Variants in GRIK1 observed in about 807,000 individuals in gnomAD.
The protein encoded by GRIK1 is glutamate receptor ionotropic, kainate 1.
A neutral mutation model predicts 105.7 loss-of-function variants in GRIK1; 69 were observed. That is an observed-to-expected ratio of 0.65 (90% CI 0.54 to 0.80). The LOEUF (loss-of-function observed/expected upper bound fraction) is 0.80. Among genes scored for constraint, GRIK1 ranks in the 30% least tolerant of loss-of-function variants. GRIK1 has a pLI of 0.00. For synonymous variants in GRIK1, 438 were observed against 431.3 expected, an observed-to-expected ratio of 1.02 and a Z score of -0.19; for missense variants, 1,109 against 1,167.3, an observed-to-expected ratio of 0.95 and a Z score of 0.73.
At chr21:29,584,042 A>G (rs1029782017) in intron 12 of GRIK1, among the ~76,000 whole-genome samples, 3 of 152,210 alleles carry the variant, frequency 2.0e-5, no homozygotes, top group Non-Finnish European at 4.4e-5. Flanking sequence ...AAACTTGCAT[A>G]TAGAAGAGTA....
At chr21:29,808,463 T>G (rs1198630204) in intron 1 of GRIK1, among the ~76,000 whole-genome samples, 1 of 152,176 alleles carries the variant, frequency 6.6e-6, no homozygotes, top group Non-Finnish European at 1.5e-5. Context: ...CCAGGCTTTG[T>G]GGGAGATTAT....
chr21:29,705,877 T>C (rs1013571087), intron 1 of GRIK1, among the ~76,000 whole-genome samples: 3 of 150,674 alleles, frequency 2.0e-5, no homozygotes, highest in East Asian at 1.9e-4. Context: ...TCTTTTCTTT[T>C]TTTTTTTTTT....
chr21:29,687,848 T>G (rs886137363), intron 3 of GRIK1, among the ~76,000 whole-genome samples: 5 of 152,236 alleles, frequency 3.3e-5, no homozygotes, highest in African/African-American at 1.2e-4. Context: ...TTTCTTAAAT[T>G]AAATCCACGA....
intron 1 of GRIK1, among the ~76,000 whole-genome samples, chr21:29,928,165 C>T (rs1034257074): frequency 6.6e-6 from 1 of 152,210 alleles, no homozygotes; most frequent in Non-Finnish European, 1.5e-5. Flanking sequence ...TAAGCAAAAA[C>T]ATCCTCACAT....
intron 8 of GRIK1, chr21:29,597,564 C>T (rs1438616478): frequency 2.7e-6 from 1 of 369,420 alleles, no homozygotes; most frequent in Admixed American, 3.4e-5. Context: ...CTTTTGTTCC[C>T]TCCAGCCAAC....
At chr21:29,557,987 A>G (rs1013654509) in intron 15 of GRIK1, among the ~76,000 whole-genome samples, 1 of 152,228 alleles carries the variant, frequency 6.6e-6, no homozygotes, top group Non-Finnish European at 1.5e-5. Context: ...CATTTCAGAC[A>G]GATGAAAATC....
intron 1 of GRIK1, among the ~76,000 whole-genome samples, chr21:29,771,179 T>C (rs1000201777): frequency 6.6e-6 from 1 of 152,226 alleles, no homozygotes; most frequent in Admixed American, 6.5e-5. Context: ...TTGCAGTGTT[T>C]AAATGAAAAA....
intron 1 of GRIK1, among the ~76,000 whole-genome samples, chr21:29,845,445 G>T (rs2068087648): frequency 6.6e-6 from 1 of 151,978 alleles, no homozygotes; most frequent in Admixed American, 6.6e-5. Context: ...TTTTATTTCT[G>T]TTAATCCTGC....
intron 7 of GRIK1, 84 bp downstream of exon 7, chr21:29,642,742 G>A: frequency 1.6e-6 from 2 of 1,212,798 alleles, no homozygotes; most frequent in South Asian, 1.3e-5. Context: ...CATGCCAGCA[G>A]AACCCTGTGG....
Position 29,939,566 on chromosome 21 carries a change from TTGGGCCGGGTCCCCG to T in GRIK1, c.-81_-67del. ...CGGACGCCCGAGAGATGCACCCAAC[TTGGGCCGGGTCCCCG>T]CCTCATCCTCTCTGGATGCTCCGGT... On this transcript the variant is annotated 5_prime_UTR_variant, in exon 1 of 18. Transcript: ENST00000327783. 6.2e-6 allele frequency: 6 copies of T among 970,868 alleles called. No individual in the cohort carries two copies. The highest frequency in any genetic ancestry group is 7.7e-6 in the Non-Finnish European group (5 of 652,680). 60.1% of individuals were successfully genotyped at this position (970,868 alleles called of 1,614,324 possible). A position where few individuals can be genotyped will look rare whatever the true frequency, so the allele number is the denominator to read the frequency against.
At chr21:29,894,455 G>C (rs887891753) in intron 1 of GRIK1, among the ~76,000 whole-genome samples, 3 of 152,188 alleles carry the variant, frequency 2.0e-5, no homozygotes, top group African/African-American at 7.2e-5. Flanking sequence ...AAGGCCAGAA[G>C]ACTCAGCAAG....
chr21:29,740,286 C>T (rs2064894719), intron 1 of GRIK1, among the ~76,000 whole-genome samples: 3 of 151,606 alleles, frequency 2.0e-5, no homozygotes, highest in South Asian at 2.1e-4. Flanking sequence ...GGCACAATCT[C>T]GGCTGACTGC....
At chr21:29,629,740 C>T (rs1345124750) in intron 7 of GRIK1, among the ~76,000 whole-genome samples, 2 of 152,260 alleles carry the variant, frequency 1.3e-5, no homozygotes, top group Non-Finnish European at 2.9e-5. Flanking sequence ...CTGCCTGCCT[C>T]GGCCTCCCAA....
chr21:29,935,002 C>T (rs2071699811), intron 1 of GRIK1, among the ~76,000 whole-genome samples: 1 of 152,132 alleles, frequency 6.6e-6, no homozygotes, highest in African/African-American at 2.4e-5. Flanking sequence ...TTTTCAAGTT[C>T]ATGTTAGGAC....
intron 7 of GRIK1, among the ~76,000 whole-genome samples, chr21:29,634,362 A>C (rs975661656): frequency 6.6e-6 from 1 of 152,252 alleles, no homozygotes. Flanking sequence ...TATACCTCTC[A>C]GTGACATCCC....
chr21:29,735,138 C>T (rs532860624), intron 1 of GRIK1, among the ~76,000 whole-genome samples: 11 of 152,202 alleles, frequency 7.2e-5, no homozygotes, highest in Non-Finnish European at 1.6e-4. Context: ...ACATAGATTT[C>T]ATGAAAGAAA....
chr21:29,696,232 T>C (rs2063699628), intron 1 of GRIK1, among the ~76,000 whole-genome samples: 1 of 152,238 alleles, frequency 6.6e-6, no homozygotes, highest in East Asian at 1.9e-4. Context: ...ATTTCCCTGG[T>C]TTCTGAGAAA....
At chr21:29,899,249 T>C (rs1160498394) in intron 1 of GRIK1, among the ~76,000 whole-genome samples, 1 of 152,192 alleles carries the variant, frequency 6.6e-6, no homozygotes, top group East Asian at 1.9e-4. Context: ...TTTGTTACTT[T>C]TGATTGTTTT....
At chr21:29,802,990 AATTG>A (rs1449264960) in intron 1 of GRIK1, among the ~76,000 whole-genome samples, 2 of 152,168 alleles carry the variant, frequency 1.3e-5, no homozygotes, top group African/African-American at 4.8e-5. Flanking sequence ...GTTTCTTATT[AATTG>A]ATTATTATCA....
Sources: gnomAD v4.1 joint callset for allele counts (sites outside exome capture counted in the v4.1 genomes callset) on GRCh38, gnomAD v4.1.1 for gene constraint, MANE v1.5 for transcripts, NCBI Gene and HGNC (gene_info 2026-07-23, HGNC 2026-07-21) for gene names.